SCMH1: variants seen among roughly 807,000 people sequenced by gnomAD.
SCMH1 encodes Scm polycomb group protein homolog 1, also known as polycomb protein SCMH1.
In SCMH1, 37 loss-of-function variants were observed where a neutral mutation model predicts 70.8. That is an observed-to-expected ratio of 0.52 (90% CI 0.40 to 0.69). The LOEUF (loss-of-function observed/expected upper bound fraction) is 0.69. Ranked by LOEUF, SCMH1 falls within the 30% of genes least tolerant of loss-of-function variation. The pLI is 0.00. For synonymous variants in SCMH1, 292 were observed against 307.4 expected (o/e 0.95, Z 0.52); for missense variants, 607 against 827.3 (o/e 0.73, Z 3.27).
At chr1:41,163,029 G>A (rs1646164582) in intron 2 of SCMH1, 1 of 152,270 alleles carries the variant, frequency 6.6e-6, no homozygotes, top group Non-Finnish European at 1.5e-5. Flanking sequence ...TGCAGTTTGG[G>A]CAAAGAGAAG....
intron 8 of SCMH1, among the ~76,000 whole-genome samples, chr1:41,091,008 C>T (rs147443191): frequency 6.7e-4 from 98 of 145,922 alleles, no homozygotes; most frequent in African/African-American, 2.0e-3. Context: ...CACTGCACTC[C>T]GGCCTGGGCG....
intron 1 of SCMH1, among the ~76,000 whole-genome samples, chr1:41,222,883 G>A (rs1474426815): frequency 6.6e-6 from 1 of 152,184 alleles, no homozygotes; most frequent in Admixed American, 6.5e-5. Flanking sequence ...TGATGATAGG[G>A]TAATAGGGAA....
At chr1:41,065,925 CCAG>C (rs1654438552) in intron 10 of SCMH1, among the ~76,000 whole-genome samples, 1 of 152,124 alleles carries the variant, frequency 6.6e-6, no homozygotes. Context: ...TAGATAAGCC[CCAG>C]CAGAACCTTG....
At chr1:41,079,915 C>G (rs1243431952) in intron 8 of SCMH1, among the ~76,000 whole-genome samples, 1 of 152,016 alleles carries the variant, frequency 6.6e-6, no homozygotes, top group Admixed American at 6.6e-5. Flanking sequence ...AAGTTTATTA[C>G]TCCTTTCTGT....
intron 9 of SCMH1, among the ~76,000 whole-genome samples, chr1:41,072,577 T>A (rs751223815): frequency 6.6e-6 from 1 of 152,086 alleles, no homozygotes; most frequent in Non-Finnish European, 1.5e-5. Context: ...AAAAGAGATA[T>A]AAAGCCAGCC....
chr1:41,113,506 G>C lies in SCMH1; in HGVS notation c.522C>G (p.His174Gln), dbSNP rs1669730897. Residue 174 changes from histidine (H) to glutamine (Q), a missense_variant, in exon 8 of 15, where the codon CAC becomes CAG. By Grantham distance (24) the His-to-Gln change is conservative. This residue lies in a region of SCMH1 where 105 missense variants were observed against 214.5 expected (regional missense o/e 0.49). Coordinates refer to ENST00000337495, the Ensembl canonical transcript of SCMH1. The surrounding 1 kb of genome is among the most constrained non-coding windows in gnomAD (Gnocchi z 4.3). ...GCTTCATTCCCATTTTGAAGAAGTT[G>C]TGGGAAGGCGATGGTGGCTCCTAGA... 17 of 1,613,696 alleles carry C rather than the reference G, an allele frequency of 1.1e-5. No individual in the cohort carries two copies. The highest frequency in any genetic ancestry group is 1.4e-5 in the Non-Finnish European group (17 of 1,179,890).
At chr1:41,124,605 A>ATTTG (rs1456503522) in intron 6 of SCMH1, among the ~76,000 whole-genome samples, 5 of 151,402 alleles carry the variant, frequency 3.3e-5, no homozygotes, top group Non-Finnish European at 7.4e-5. Flanking sequence ...TTATTTATTT[A>ATTTG]TTTATTTATT....
chr1:41,113,257 T>C lies in SCMH1; in HGVS notation c.745+26A>G, dbSNP rs1221043948. 6.2e-7 allele frequency: 1 copy of C among 1,605,906 alleles called. No homozygotes were observed. Among genetic ancestry groups the C allele is most frequent in the African/African-American group, 1.3e-5 (1 of 74,436 alleles). ...CTCCCTTATCATCTGGGTCCTGATT[T>C]CAAGAGCACGTAGATGGGCCTTTAC... On this transcript the variant is annotated intron_variant, in intron 8 of 14. Coordinates refer to ENST00000337495, the Ensembl canonical transcript of SCMH1. This position sits in a 1 kb window ranked among gnomAD's most constrained non-coding sequence, Gnocchi z 4.3.
chr1:41,046,651 C>T (rs1558420294), intron 11 of SCMH1, 53 bp from the exon 12 acceptor site: 8 of 1,435,378 alleles, frequency 5.6e-6, no homozygotes, highest in Non-Finnish European at 6.9e-6. Context: ...TGGAGTACAG[C>T]GCTAGGCAGG....
chr1:41,228,253 T>C (rs1302282005), intron 1 of SCMH1, among the ~76,000 whole-genome samples: 1 of 152,152 alleles, frequency 6.6e-6, no homozygotes, highest in Non-Finnish European at 1.5e-5. Flanking sequence ...GCTTACTTAT[T>C]GGGACTCCAC....
chr1:41,192,415 T>C lies in SCMH1; in HGVS notation c.-117-6165A>G, dbSNP rs150338572. On this transcript the variant is annotated intron_variant, in intron 1 of 14. Transcript: ENST00000337495. Reference sequence around the variant, plus strand: ...ACTTGACCAAGTTAACTTAGCCTCCTGTGCCTGAGTTTCCTCCGCAGCAAA... The same window carrying C: ...ACTTGACCAAGTTAACTTAGCCTCCCGTGCCTGAGTTTCCTCCGCAGCAAA... Among the ~76,000 whole-genome samples the C allele has an allele frequency of 2.4e-3, 363 of 152,180 alleles. 1 individual carries two copies. Among genetic ancestry groups the C allele is most frequent in the African/African-American group, 8.1e-3 (336 of 41,494 alleles).
At chr1:41,165,690 T>G (rs950937020) in intron 2 of SCMH1, among the ~76,000 whole-genome samples, 5 of 152,138 alleles carry the variant, frequency 3.3e-5, no homozygotes, top group South Asian at 2.1e-4. Flanking sequence ...TGTTTTCTTT[T>G]GAAAAATGTC....
chr1:41,106,743 G>A (rs1275159038), intron 8 of SCMH1, among the ~76,000 whole-genome samples: 2 of 151,704 alleles, frequency 1.3e-5, no homozygotes, highest in East Asian at 3.9e-4. Context: ...AGGCTGGAGT[G>A]CAGTGGCGCA....
At chr1:41,153,625 C>T (rs1350893702) in intron 4 of SCMH1, among the ~76,000 whole-genome samples, 3 of 152,192 alleles carry the variant, frequency 2.0e-5, no homozygotes, top group Non-Finnish European at 2.9e-5. Context: ...AGGAAACACT[C>T]TATCACTAAC....
chr1:41,214,727 C>T (rs56355220), intron 1 of SCMH1, among the ~76,000 whole-genome samples: 1,956 of 152,078 alleles, frequency 0.013, 40 homozygotes, highest in African/African-American at 0.045. Flanking sequence ...TCCCATTATA[C>T]CCTGACTCAA....
chr1:41,213,064 A>T (rs763653517), intron 1 of SCMH1, among the ~76,000 whole-genome samples: 3 of 152,210 alleles, frequency 2.0e-5, no homozygotes, highest in Non-Finnish European at 4.4e-5. Flanking sequence ...TAGTACAGAT[A>T]GATCCAAATA....
chr1:41,199,531 G>T (rs1275497574), intron 1 of SCMH1, among the ~76,000 whole-genome samples: 4 of 152,054 alleles, frequency 2.6e-5, no homozygotes, highest in Non-Finnish European at 5.9e-5. Flanking sequence ...TTCCCATTTA[G>T]ATTTTTTTTA....
At chr1:41,210,966 T>C (rs1480274732) in intron 1 of SCMH1, among the ~76,000 whole-genome samples, 1 of 152,008 alleles carries the variant, frequency 6.6e-6, no homozygotes, top group Non-Finnish European at 1.5e-5. Context: ...CACACCACCA[T>C]GCCCAGCTAA....
At chr1:41,231,471 T>C (rs1417075018) in intron 1 of SCMH1, among the ~76,000 whole-genome samples, 1 of 152,228 alleles carries the variant, frequency 6.6e-6, no homozygotes, top group African/African-American at 2.4e-5. Context: ...CCTGTACTAT[T>C]TCCCCTACTA....
Sources: gnomAD v4.1 joint callset for allele counts (sites outside exome capture counted in the v4.1 genomes callset) on GRCh38, gnomAD v4.1.1 for gene constraint, gnomAD v4.1.1 regional missense constraint, Gnocchi (gnomAD v3.1) non-coding constraint, MANE v1.5 for transcripts, NCBI Gene and HGNC (gene_info 2026-07-23, HGNC 2026-07-21) for gene names.